LINGO2: variants seen among roughly 807,000 people sequenced by gnomAD.
LINGO2 encodes leucine rich repeat and Ig domain containing 2.
Under a neutral mutation model 30.6 loss-of-function variants are expected in LINGO2, and 14 were observed. The ratio of observed to expected loss-of-function variants is 0.46; its 90% CI spans 0.30 to 0.72. LINGO2 has a LOEUF of 0.72. LINGO2 is among the 30% of genes least tolerant of loss of function. The pLI is 0.07. For synonymous variants in LINGO2, 317 were observed against 288.5 expected (o/e 1.10, Z -1.00); for missense variants, 729 against 751.7 (o/e 0.97, Z 0.35).
chr9:27,992,910 A>G (rs1821470677), intron 5 of LINGO2, among the ~76,000 whole-genome samples: 2 of 152,152 alleles, frequency 1.3e-5, no homozygotes, highest in African/African-American at 4.8e-5. Flanking sequence ...CATGAAACTG[A>G]TGTGCAGACC....
chr9:28,638,737 T>C (rs1482466396), intron 1 of LINGO2, among the ~76,000 whole-genome samples: 1 of 152,142 alleles, frequency 6.6e-6, no homozygotes, highest in African/African-American at 2.4e-5. Flanking sequence ...TTGCTAGCAG[T>C]CTATCAATTT....
intron 1 of LINGO2, among the ~76,000 whole-genome samples, chr9:28,658,777 A>G (rs1185391829): frequency 6.6e-6 from 1 of 152,104 alleles, no homozygotes; most frequent in Non-Finnish European, 1.5e-5. Context: ...ACAGCAATAG[A>G]AAACTAACAC....
chr9:28,800,887 C>T, the LINGO2 span, among the ~76,000 whole-genome samples: 2 of 151,948 alleles, frequency 1.3e-5, no homozygotes, highest in Non-Finnish European at 2.9e-5. Context: ...AGTTCTAGTG[C>T]GTGAAGTGTG....
chr9:28,778,723 A>T, the LINGO2 span, among the ~76,000 whole-genome samples: 1 of 152,142 alleles, frequency 6.6e-6, no homozygotes, highest in African/African-American at 2.4e-5. Context: ...TGCAAAAACA[A>T]AACAAAATAA....
chr9:28,495,601 G>A (rs1819581960), intron 1 of LINGO2, among the ~76,000 whole-genome samples: 1 of 152,136 alleles, frequency 6.6e-6, no homozygotes, highest in Non-Finnish European at 1.5e-5. Context: ...CCAGTACCAT[G>A]CTGTTTTTGT....
chr9:28,211,452 T>G (rs1564047408), intron 4 of LINGO2, among the ~76,000 whole-genome samples: 2 of 151,314 alleles, frequency 1.3e-5, no homozygotes, highest in East Asian at 1.9e-4. Context: ...CCTGCCATTG[T>G]CAAACAAAGG....
At chr9:28,934,351 AGC>A in the LINGO2 span, among the ~76,000 whole-genome samples, 6 of 152,210 alleles carry the variant, frequency 3.9e-5, no homozygotes, top group East Asian at 1.2e-3. Context: ...TCTTAGAAAG[AGC>A]CTGAAAATGA....
chr9:29,020,820 T>C, the LINGO2 span, among the ~76,000 whole-genome samples: 8 of 152,118 alleles, frequency 5.3e-5, no homozygotes, highest in African/African-American at 1.7e-4. Context: ...GCAGTGAAGA[T>C]ACTGGGCTAA....
the LINGO2 span, among the ~76,000 whole-genome samples, chr9:29,012,268 A>G: frequency 0.88 from 133,469 of 151,756 alleles, 59,193 homozygotes; most frequent in Non-Finnish European, 0.93. Flanking sequence ...TGAGACAGGA[A>G]CATAGCTTGA....
At chr9:28,726,715 A>G in the LINGO2 span, among the ~76,000 whole-genome samples, 1 of 152,222 alleles carries the variant, frequency 6.6e-6, no homozygotes, top group Admixed American at 6.5e-5. Context: ...TTTCTTGAAC[A>G]TATTTCAAAA....
At chr9:28,664,567 G>A (rs1211691536) in intron 1 of LINGO2, among the ~76,000 whole-genome samples, 2 of 152,154 alleles carry the variant, frequency 1.3e-5, no homozygotes, top group African/African-American at 4.8e-5. Flanking sequence ...AAAGAAGGAT[G>A]ACTGGGCTTC....
At chr9:28,119,055 TA>T (rs5897274) in intron 4 of LINGO2, among the ~76,000 whole-genome samples, 150,482 of 152,032 alleles carry the variant, frequency 0.99, 74,496 homozygotes, top group Middle Eastern at 1. Context: ...GGCAGTCAAG[TA>T]AAAAAAAAAT....
intron 1 of LINGO2, among the ~76,000 whole-genome samples, chr9:28,587,370 CAAAG>C (rs1197605353): frequency 6.6e-6 from 1 of 152,004 alleles, no homozygotes; most frequent in Non-Finnish European, 1.5e-5. Context: ...GTGGAGCAGA[CAAAG>C]AGATTGTTGC....
At chr9:28,790,414 C>CA in the LINGO2 span, among the ~76,000 whole-genome samples, 1 of 147,932 alleles carries the variant, frequency 6.8e-6, no homozygotes, top group Non-Finnish European at 1.5e-5. Flanking sequence ...CTGAAAGCTC[C>CA]GCCTCCCGGG....
the LINGO2 span, among the ~76,000 whole-genome samples, chr9:28,992,154 T>C: frequency 1.3e-5 from 2 of 151,478 alleles, no homozygotes; most frequent in African/African-American, 4.9e-5. Flanking sequence ...AGGCTCAAAA[T>C]AAAAGGATGG....
At chr9:28,395,720 C>A (rs897431090) in intron 2 of LINGO2, among the ~76,000 whole-genome samples, 2 of 152,144 alleles carry the variant, frequency 1.3e-5, no homozygotes, top group African/African-American at 2.4e-5. Flanking sequence ...GAAATGTTTT[C>A]ATCACTTCTT....
chr9:28,932,832 C>A, the LINGO2 span, among the ~76,000 whole-genome samples: 7 of 152,038 alleles, frequency 4.6e-5, no homozygotes, highest in Non-Finnish European at 8.8e-5. Context: ...TAGTTTAGAT[C>A]CTAATTACTA....
At chr9:28,979,705 TA>T in the LINGO2 span, among the ~76,000 whole-genome samples, 18,439 of 152,018 alleles carry the variant, frequency 0.12, 1,113 homozygotes, top group South Asian at 0.15. Context: ...TGCTACAAAG[TA>T]AAAAAAGAAA....
intron 5 of LINGO2, among the ~76,000 whole-genome samples, chr9:27,966,159 T>A (rs1240140773): frequency 1.3e-5 from 2 of 152,106 alleles, no homozygotes; most frequent in Non-Finnish European, 2.9e-5. Context: ...GAAAACCCTT[T>A]TTGATGCAAA....
Sources: allele counts gnomAD v4.1 joint callset (sites outside exome capture counted in the v4.1 genomes callset), GRCh38; gene constraint gnomAD v4.1.1; transcripts MANE v1.5; gene names NCBI Gene and HGNC (gene_info 2026-07-23, HGNC 2026-07-21).